PHLDB2: variants seen among roughly 807,000 people sequenced by gnomAD.
PHLDB2 encodes pleckstrin homology-like domain family B member 2.
A neutral mutation model predicts 123.6 loss-of-function variants in PHLDB2; 71 were observed. That is an observed-to-expected ratio of 0.57 (90% CI 0.47 to 0.70). PHLDB2 has a LOEUF of 0.70. Ranked by LOEUF, PHLDB2 falls within the 30% of genes least tolerant of loss-of-function variation. PHLDB2 has a pLI of 0.00. For synonymous variants in PHLDB2, 547 were observed against 541.6 expected, an observed-to-expected ratio of 1.01 and a Z score of -0.14; for missense variants, 1,446 against 1,519.5, an observed-to-expected ratio of 0.95 and a Z score of 0.80.
At chr3:111,954,491 A>C (rs915891513) in intron 12 of PHLDB2, among the ~76,000 whole-genome samples, 4 of 152,172 alleles carry the variant, frequency 2.6e-5, no homozygotes, top group Non-Finnish European at 5.9e-5. Context: ...TTTAATGTAG[A>C]TTTGAGCTTT....
intron 1 of PHLDB2, among the ~76,000 whole-genome samples, chr3:111,748,585 G>A (rs906975628): frequency 4.6e-5 from 7 of 152,050 alleles, no homozygotes; most frequent in East Asian, 1.9e-4. Context: ...ACAGTGGCGC[G>A]ATCTCGGCTC....
intron 9 of PHLDB2, among the ~76,000 whole-genome samples, chr3:111,947,731 T>C (rs1466100851): frequency 6.6e-6 from 1 of 152,228 alleles, no homozygotes; most frequent in Non-Finnish European, 1.5e-5. Flanking sequence ...CAGTTTAACA[T>C]TATAAAACTT....
At chr3:111,940,744 C>T (rs1401154659) in intron 8 of PHLDB2, 99 bp downstream of exon 8, 1 of 523,562 alleles carries the variant, frequency 1.9e-6, no homozygotes, top group Non-Finnish European at 3.3e-6. Flanking sequence ...TAGTGAATGT[C>T]TATACAATTT....
At chr3:111,811,919 T>A (rs1461274491) in intron 1 of PHLDB2, among the ~76,000 whole-genome samples, 1 of 152,206 alleles carries the variant, frequency 6.6e-6, no homozygotes, top group Non-Finnish European at 1.5e-5. Context: ...TCATCCTATA[T>A]AAGCTGCTTT....
At chr3:111,787,084 T>A (rs904184383) in intron 1 of PHLDB2, among the ~76,000 whole-genome samples, 3 of 152,114 alleles carry the variant, frequency 2.0e-5, no homozygotes, top group Non-Finnish European at 4.4e-5. Context: ...GATCTCACAG[T>A]TTAGTGGTGA....
intron 1 of PHLDB2, among the ~76,000 whole-genome samples, chr3:111,834,995 T>C (rs2063334338): frequency 6.6e-6 from 1 of 152,152 alleles, no homozygotes; most frequent in South Asian, 2.1e-4. Flanking sequence ...CATGAGTCCC[T>C]AATGCCTAAA....
At chr3:111,831,026 A>G (rs28495064) in intron 1 of PHLDB2, among the ~76,000 whole-genome samples, 8,161 of 78,468 alleles carry the variant, frequency 0.1, 1,428 homozygotes, top group African/African-American at 0.28. Flanking sequence ...AGAAAGAAAG[A>G]AAGAAAGGAA....
chr3:111,902,992 A>G (rs542377268), intron 2 of PHLDB2, among the ~76,000 whole-genome samples: 4 of 152,178 alleles, frequency 2.6e-5, no homozygotes, highest in Admixed American at 2.6e-4. Context: ...CCAAACCACA[A>G]TAGGTTTAGA....
intron 2 of PHLDB2, among the ~76,000 whole-genome samples, chr3:111,888,479 A>G (rs1021866482): frequency 3.9e-5 from 6 of 152,158 alleles, no homozygotes; most frequent in Non-Finnish European, 7.4e-5. Context: ...TGGTTTGGCT[A>G]TTTAAGAAAA....
At chr3:111,764,762 A>G (rs1386073619) in intron 1 of PHLDB2, among the ~76,000 whole-genome samples, 1 of 152,206 alleles carries the variant, frequency 6.6e-6, no homozygotes, top group African/African-American at 2.4e-5. Flanking sequence ...AATGGAGAAC[A>G]CAATAGGATG....
chr3:111,797,773 GAAC>G (rs1298549615), intron 1 of PHLDB2, among the ~76,000 whole-genome samples: 14 of 152,176 alleles, frequency 9.2e-5, no homozygotes, highest in Non-Finnish European at 1.3e-4. Flanking sequence ...GCAGAAAACA[GAAC>G]AACCAAGCCT....
chr3:111,943,195 T>C (rs1045589178), intron 8 of PHLDB2, among the ~76,000 whole-genome samples: 1 of 152,160 alleles, frequency 6.6e-6, no homozygotes, highest in Non-Finnish European at 1.5e-5. Flanking sequence ...TACATGTATA[T>C]TAAATAGATC....
chr3:111,907,989 G>A (rs1050889990), intron 2 of PHLDB2, among the ~76,000 whole-genome samples: 1 of 152,096 alleles, frequency 6.6e-6, no homozygotes, highest in Non-Finnish European at 1.5e-5. Flanking sequence ...TAGAGATGGG[G>A]TTTTGCCATA....
intron 1 of PHLDB2, among the ~76,000 whole-genome samples, chr3:111,734,528 A>G (rs775301912): frequency 6.7e-4 from 102 of 152,332 alleles, no homozygotes; most frequent in Admixed American, 1.6e-3. Context: ...CTTCTGGCTC[A>G]GGGCCTAAAA....
chr3:111,788,020 A>C (rs767470251), intron 1 of PHLDB2, among the ~76,000 whole-genome samples: 21 of 152,166 alleles, frequency 1.4e-4, no homozygotes, highest in Non-Finnish European at 2.9e-5. Context: ...ATGAATTGGA[A>C]ACAGGTCAAG....
intron 16 of PHLDB2, among the ~76,000 whole-genome samples, chr3:111,970,691 CAT>C (rs1243697707): frequency 6.6e-6 from 1 of 152,002 alleles, no homozygotes; most frequent in East Asian, 1.9e-4. Flanking sequence ...ACATACGAAA[CAT>C]GTCTATTTTT....
intron 1 of PHLDB2, among the ~76,000 whole-genome samples, chr3:111,870,227 T>C (rs1358900256): frequency 6.6e-6 from 1 of 151,882 alleles, no homozygotes; most frequent in Non-Finnish European, 1.5e-5. Flanking sequence ...GGGAATAGCA[T>C]TGGAAGGAGA....
intron 2 of PHLDB2, among the ~76,000 whole-genome samples, chr3:111,911,377 G>A (rs1419410265): frequency 3.3e-5 from 5 of 152,212 alleles, no homozygotes; most frequent in Non-Finnish European, 7.3e-5. Context: ...CTCTAATATA[G>A]ATGCTATTGA....
chr3:111,913,453 T>G lies in PHLDB2; in HGVS notation c.1470T>G (p.Asp490Glu), dbSNP rs150729330. 10 of 1,614,040 alleles carry G rather than the reference T, an allele frequency of 6.2e-6. No homozygotes were observed. In the African/African-American group the frequency reaches 1.2e-4, roughly 19 times the overall value. Residue 490 changes from aspartate to glutamate, a missense_variant, in exon 3 of 18, where the codon GAT (aspartate) becomes GAG (glutamate). Physicochemically the swap from Asp to Glu is conservative, Grantham distance 45 (BLOSUM62 2). Coordinates refer to ENST00000431670, the MANE Select transcript of PHLDB2 (RefSeq NM_001134438.2). The part of the protein sequence containing the change: ...NKELEKLQLS[D>E]EESVFEEALM... ...AGCTTGAGAAGCTGCAGCTCTCTGA[T>G]GAGGAGTCTGTGTTTGAGGAAGCCC...
Sources: allele counts gnomAD v4.1 joint callset (sites outside exome capture counted in the v4.1 genomes callset), GRCh38; gene constraint gnomAD v4.1.1; transcripts MANE v1.5; gene names NCBI Gene and HGNC (gene_info 2026-07-23, HGNC 2026-07-21).